FSTL4: variants seen among roughly 807,000 people sequenced by gnomAD.
FSTL4 encodes follistatin like 4, also known as follistatin-related protein 4.
Under a neutral mutation model 78.2 loss-of-function variants are expected in FSTL4, and 28 were observed. The observed-to-expected ratio is 0.36, with a 90% confidence interval of 0.27 to 0.49. The LOEUF (loss-of-function observed/expected upper bound fraction) is 0.49, where lower values mean the gene tolerates loss of function less well. Ranked by LOEUF, FSTL4 falls within the 20% of genes least tolerant of loss-of-function variation. The pLI is 0.98. For synonymous variants in FSTL4, 422 were observed against 440.5 expected (o/e 0.96, Z 0.53); for missense variants, 922 against 1,084.9 (o/e 0.85, Z 2.11).
chr5:133,586,208 T>A (rs1760516091), intron 2 of FSTL4, among the ~76,000 whole-genome samples: 1 of 95,824 alleles, frequency 1.0e-5, no homozygotes, highest in Non-Finnish European at 2.2e-5. Context: ...CACCCTAACA[T>A]CACAATTAAA....
intron 15 of FSTL4, among the ~76,000 whole-genome samples, chr5:133,201,190 C>G (rs949640188): frequency 6.6e-6 from 1 of 152,204 alleles, no homozygotes; most frequent in Non-Finnish European, 1.5e-5. Flanking sequence ...CATTTGGGGT[C>G]TTGATGGCTT....
the FSTL4 span, among the ~76,000 whole-genome samples, chr5:133,727,200 G>A: frequency 6.6e-6 from 1 of 152,124 alleles, no homozygotes; most frequent in Non-Finnish European, 1.5e-5. Context: ...GCTCCAGCAG[G>A]CAGCAAACTT....
chr5:133,776,233 T>C, the FSTL4 span, among the ~76,000 whole-genome samples: 6 of 152,330 alleles, frequency 3.9e-5, no homozygotes, highest in Admixed American at 2.0e-4. Context: ...AGTTTGTCAA[T>C]GGGAGGTACC....
the FSTL4 span, among the ~76,000 whole-genome samples, chr5:133,637,881 C>T: frequency 2.2e-3 from 330 of 151,452 alleles, no homozygotes; most frequent in Non-Finnish European, 3.6e-3. Flanking sequence ...TTAATGGGCT[C>T]CAGTCACCGA....
the FSTL4 span, among the ~76,000 whole-genome samples, chr5:133,630,170 T>C: frequency 3.9e-5 from 6 of 152,328 alleles, no homozygotes; most frequent in African/African-American, 7.2e-5. Context: ...GAGAAAGAAA[T>C]AAAGAGTATT....
chr5:133,210,127 T>C, intron 14 of FSTL4, 64 bp downstream of exon 14: 1 of 855,628 alleles, frequency 1.2e-6, no homozygotes, highest in Non-Finnish European at 2.0e-6. Context: ...AGATACTTAT[T>C]TTATAGGGAG....
At chr5:133,639,486 G>A in the FSTL4 span, among the ~76,000 whole-genome samples, 1 of 152,174 alleles carries the variant, frequency 6.6e-6, no homozygotes, top group Non-Finnish European at 1.5e-5. Context: ...CCAAGCAGAT[G>A]AGAAAGCCTT....
the FSTL4 span, among the ~76,000 whole-genome samples, chr5:133,724,604 T>G: frequency 1.3e-5 from 2 of 152,206 alleles, no homozygotes; most frequent in Non-Finnish European, 2.9e-5. Flanking sequence ...GTTCTGAATA[T>G]TCTACATTCT....
intron 3 of FSTL4, among the ~76,000 whole-genome samples, chr5:133,486,402 A>C (rs13183871): frequency 2.1e-5 from 3 of 141,686 alleles, no homozygotes; most frequent in African/African-American, 2.5e-5. Flanking sequence ...AGAAAGAGAG[A>C]CGGCAGAGGA....
chr5:133,809,715 T>C, the FSTL4 span, among the ~76,000 whole-genome samples: 3 of 152,112 alleles, frequency 2.0e-5, no homozygotes, highest in Middle Eastern at 3.4e-3. Context: ...TAAGGACCAG[T>C]GTGAGGACTA....
chr5:133,551,057 C>CT (rs1759682440), intron 3 of FSTL4, among the ~76,000 whole-genome samples: 1 of 152,162 alleles, frequency 6.6e-6, no homozygotes, highest in South Asian at 2.1e-4. Flanking sequence ...ATCCAACTTT[C>CT]TTACTATTAC....
chr5:133,562,652 C>T (rs188130543), intron 3 of FSTL4, among the ~76,000 whole-genome samples: 7 of 152,210 alleles, frequency 4.6e-5, no homozygotes, highest in East Asian at 1.9e-4. Flanking sequence ...GGAACATGTG[C>T]GGGAGCCAGC....
At chr5:133,356,321 G>A (rs893064782) in intron 4 of FSTL4, among the ~76,000 whole-genome samples, 1 of 152,206 alleles carries the variant, frequency 6.6e-6, no homozygotes, top group African/African-American at 2.4e-5. Flanking sequence ...ATTTGGGCAT[G>A]CCCAGGTAGT....
chr5:133,831,532 C>T, the FSTL4 span, among the ~76,000 whole-genome samples: 2 of 152,202 alleles, frequency 1.3e-5, no homozygotes, highest in African/African-American at 4.8e-5. Flanking sequence ...TCGTAAACGA[C>T]TCTTATAGGA....
At chr5:133,650,490 T>G in the FSTL4 span, among the ~76,000 whole-genome samples, 14 of 152,196 alleles carry the variant, frequency 9.2e-5, no homozygotes, top group South Asian at 4.1e-4. Flanking sequence ...GAGTGAAAAG[T>G]CTATGTCTAC....
the FSTL4 span, among the ~76,000 whole-genome samples, chr5:133,828,891 C>T: frequency 2.0e-5 from 3 of 152,330 alleles, no homozygotes; most frequent in East Asian, 3.9e-4. Flanking sequence ...GCTTTTGATG[C>T]TGTAACTCAA....
the FSTL4 span, among the ~76,000 whole-genome samples, chr5:133,728,547 G>T: frequency 1.3e-5 from 2 of 152,312 alleles, no homozygotes; most frequent in African/African-American, 4.8e-5. Context: ...CAAGGGATAG[G>T]ACTAAAAAGA....
intron 4 of FSTL4, among the ~76,000 whole-genome samples, chr5:133,395,030 C>G (rs960586992): frequency 6.6e-6 from 1 of 152,076 alleles, no homozygotes; most frequent in African/African-American, 2.4e-5. Flanking sequence ...TGTAAACACA[C>G]CAATCAGCAC....
chr5:133,325,449 C>G (rs935141072), intron 4 of FSTL4, among the ~76,000 whole-genome samples: 2 of 152,176 alleles, frequency 1.3e-5, no homozygotes, highest in Non-Finnish European at 2.9e-5. Flanking sequence ...AGGAGTCCCC[C>G]TTTGAAGAAT....
Sources: allele counts gnomAD v4.1 joint callset (sites outside exome capture counted in the v4.1 genomes callset), GRCh38; gene constraint gnomAD v4.1.1; transcripts MANE v1.5; gene names NCBI Gene and HGNC (gene_info 2026-07-23, HGNC 2026-07-21).